TBC1D22B: variants seen among roughly 807,000 people sequenced by gnomAD.
The protein encoded by TBC1D22B is chromosome 6 open reading frame 197.
TBC1D22B carries 32 observed loss-of-function variants against 69.1 expected under a neutral mutation model. That is an observed-to-expected ratio of 0.46 (90% CI 0.35 to 0.62). The LOEUF (loss-of-function observed/expected upper bound fraction) is 0.62, where lower values mean the gene tolerates loss of function less well. Ranked by LOEUF, TBC1D22B falls within the 20% of genes least tolerant of loss-of-function variation. TBC1D22B has a pLI of 0.00. For missense variants in TBC1D22B, 462 were observed against 630.9 expected, an observed-to-expected ratio of 0.73 and a Z score of 2.87; for synonymous variants, 206 against 229.8, an observed-to-expected ratio of 0.90 and a Z score of 0.94.
At chr6:37,281,647 T>C (rs1459942314) in intron 3 of TBC1D22B, among the ~76,000 whole-genome samples, 1 of 152,192 alleles carries the variant, frequency 6.6e-6, no homozygotes, top group Non-Finnish European at 1.5e-5. Context: ...GTTCTGGGGC[T>C]TGTGGAGAGC....
chr6:37,330,863 C>T (rs1768562220), intron 12 of TBC1D22B, among the ~76,000 whole-genome samples, 181 bp from the exon 13 acceptor site: 1 of 152,108 alleles, frequency 6.6e-6, no homozygotes, highest in South Asian at 2.1e-4. Flanking sequence ...GCTTTCAAGA[C>T]CTCCTGAGGT....
At chr6:37,285,315 CTTTTTTT>C (rs756459599) in intron 6 of TBC1D22B, among the ~76,000 whole-genome samples, 13 of 73,562 alleles carry the variant, frequency 1.8e-4, no homozygotes, top group Middle Eastern at 0.016. Flanking sequence ...TCCTTCCCCA[CTTTTTTT>C]TTTTTTTTTT....
chr6:37,326,371 C>T (rs1330778701), intron 12 of TBC1D22B, among the ~76,000 whole-genome samples: 2 of 101,084 alleles, frequency 2.0e-5, no homozygotes, highest in East Asian at 3.0e-4. Context: ...AGTGAGACTG[C>T]GCCTCAAAAA....
chr6:37,299,621 A>G (rs1767501377), intron 8 of TBC1D22B, among the ~76,000 whole-genome samples: 2 of 152,208 alleles, frequency 1.3e-5, no homozygotes, highest in Non-Finnish European at 2.9e-5. Context: ...GATAATTGCA[A>G]ACTGTGATGA....
chr6:37,285,901 C>T (rs993931526), intron 6 of TBC1D22B, among the ~76,000 whole-genome samples: 1 of 152,236 alleles, frequency 6.6e-6, no homozygotes, highest in African/African-American at 2.4e-5. Flanking sequence ...GGATCACAGG[C>T]GTGAGCCATC....
chr6:37,331,337 C>G lies in TBC1D22B; in HGVS notation c.*165C>G, dbSNP rs3734329. The G allele has an allele frequency of 0.048, 30,557 of 633,690 alleles. 3,268 individuals are homozygous for G. Among genetic ancestry groups the G allele is most frequent in the African/African-American group, 0.32 (17,523 of 54,606 alleles). 39.3% of individuals were successfully genotyped at this position (633,690 alleles called of 1,614,324 possible). On this transcript the variant is annotated 3_prime_UTR_variant, in exon 13 of 13. Coordinates refer to ENST00000373491, the MANE Select transcript of TBC1D22B (RefSeq NM_017772.4). ...TTCTGGCATCCACCACTCCATGTCT[C>G]TGGATGTGTCACTTGGACCACTGTC...
chr6:37,284,595 C>G (rs1023772749), intron 6 of TBC1D22B, 131 bp downstream of exon 6: 6 of 1,035,570 alleles, frequency 5.8e-6, no homozygotes, highest in Middle Eastern at 2.8e-4. Flanking sequence ...TAAATTTATC[C>G]TCAAAACTGT....
intron 8 of TBC1D22B, among the ~76,000 whole-genome samples, chr6:37,305,643 G>A (rs886835822): frequency 5.3e-5 from 8 of 151,460 alleles, no homozygotes; most frequent in African/African-American, 1.5e-4. Flanking sequence ...TCAGCCTCCC[G>A]AGTAGCTGGG....
intron 10 of TBC1D22B, among the ~76,000 whole-genome samples, chr6:37,315,863 C>T (rs1490817517): frequency 6.6e-6 from 1 of 152,210 alleles, no homozygotes; most frequent in Non-Finnish European, 1.5e-5. Context: ...GTGTGAGCCA[C>T]AGCACCTGGC....
chr6:37,270,008 C>T (rs1743591451), intron 2 of TBC1D22B, among the ~76,000 whole-genome samples: 1 of 152,192 alleles, frequency 6.6e-6, no homozygotes, highest in African/African-American at 2.4e-5. Flanking sequence ...CTGAGGCTCA[C>T]TGCTTCTGAA....
At chr6:37,291,476 C>G in intron 8 of TBC1D22B, 119 bp downstream of exon 8, 1 of 684,068 alleles carries the variant, frequency 1.5e-6, no homozygotes, top group South Asian at 2.1e-5. Context: ...TAGAGAGTGC[C>G]TTTGGCATAC....
At chr6:37,299,955 G>A (rs923315570) in intron 8 of TBC1D22B, among the ~76,000 whole-genome samples, 14 of 149,038 alleles carry the variant, frequency 9.4e-5, no homozygotes, top group African/African-American at 3.5e-4. Context: ...GTTGCAGTGA[G>A]CCGAGATCAC....
At chr6:37,285,497 T>G (rs1280223338) in intron 6 of TBC1D22B, among the ~76,000 whole-genome samples, 1 of 151,530 alleles carries the variant, frequency 6.6e-6, no homozygotes, top group Non-Finnish European at 1.5e-5. Flanking sequence ...GCTAATTTTT[T>G]CTTTATCTTT....
At chr6:37,302,438 A>AAT (rs1562058242) in intron 8 of TBC1D22B, among the ~76,000 whole-genome samples, 2 of 152,234 alleles carry the variant, frequency 1.3e-5, no homozygotes, top group Non-Finnish European at 2.9e-5. Flanking sequence ...ACTGAGGTCC[A>AAT]ATATAATTGA....
intron 6 of TBC1D22B, among the ~76,000 whole-genome samples, chr6:37,286,179 G>A (rs141049860): frequency 1.3e-5 from 2 of 152,158 alleles, no homozygotes; most frequent in Non-Finnish European, 2.9e-5. Context: ...TCTTTTGGGA[G>A]GTTTCCTCAC....
chr6:37,328,947 A>G (rs74645036), intron 12 of TBC1D22B, among the ~76,000 whole-genome samples: 38,643 of 151,886 alleles, frequency 0.25, 6,534 homozygotes, highest in African/African-American at 0.48. Context: ...GGCTGGTCTC[A>G]AACTCCTTAC....
intron 7 of TBC1D22B, 28 bp from the exon 8 acceptor site, chr6:37,291,215 C>T (rs1381562805): frequency 6.7e-7 from 1 of 1,495,112 alleles, no homozygotes; most frequent in East Asian, 2.3e-5. Context: ...TGATTTAACA[C>T]TCGTGTCTTT....
At chr6:37,329,295 T>G (rs1389864863) in intron 12 of TBC1D22B, among the ~76,000 whole-genome samples, 2 of 152,246 alleles carry the variant, frequency 1.3e-5, no homozygotes, top group Non-Finnish European at 2.9e-5. Context: ...ATGTCTTCTT[T>G]ATCTTCATAT....
chr6:37,284,607 T>G, intron 6 of TBC1D22B, 143 bp downstream of exon 6: 1 of 967,282 alleles, frequency 1.0e-6, no homozygotes. Flanking sequence ...CAAAACTGTT[T>G]CCCCTCTTTT....
Sources: gnomAD v4.1 joint callset for allele counts (sites outside exome capture counted in the v4.1 genomes callset) on GRCh38, gnomAD v4.1.1 for gene constraint, MANE v1.5 for transcripts, NCBI Gene and HGNC (gene_info 2026-07-23, HGNC 2026-07-21) for gene names.